The following GIMAP8 variants were observed in gnomAD, a reference collection of about 807,000 sequenced individuals.
GIMAP8 encodes the protein GTPase, IMAP family member 8.
Under a neutral mutation model 35.6 loss-of-function variants are expected in GIMAP8, and 29 were observed. That is an observed-to-expected ratio of 0.81 (90% CI 0.61 to 1.11). The LOEUF is 1.11. GIMAP8 is among the 50% of genes most tolerant of loss of function. The pLI, the probability that GIMAP8 is intolerant of heterozygous loss-of-function variation, is 0.00. For missense variants in GIMAP8, 811 were observed against 805.0 expected, an observed-to-expected ratio of 1.01 and a Z score of -0.09; for synonymous variants, 335 against 308.7, an observed-to-expected ratio of 1.09 and a Z score of -0.89.
rs1801589050 is a variant in GIMAP8 at position 150,450,893 on chromosome 7, G to T, written c.-311G>T. The T allele has an allele frequency of 6.6e-6, 1 of 152,522 alleles. No homozygotes were observed. Among genetic ancestry groups the T allele is most frequent in the South Asian group, 2.1e-4 (1 of 4,844 alleles). 9.4% of individuals were successfully genotyped at this position (152,522 alleles called of 1,614,324 possible). On this transcript the variant is annotated 5_prime_UTR_variant, in exon 1 of 5. Transcript: ENST00000307271. The surrounding 1 kb of genome is among the most constrained non-coding windows in gnomAD (Gnocchi z 4.4). ...CCCCACGAGGCGCTCAGCACCCAGGGAAGGCGCGTGTGTCCCCGATGCTGG... is the reference window on the plus strand; with the variant it reads ...CCCCACGAGGCGCTCAGCACCCAGGTAAGGCGCGTGTGTCCCCGATGCTGG...
At chr7:150,471,906 T>A (rs1585118865) in intron 3 of GIMAP8, among the ~76,000 whole-genome samples, 2 of 152,278 alleles carry the variant, frequency 1.3e-5, no homozygotes, top group Admixed American at 1.3e-4. Flanking sequence ...AATTCAATCT[T>A]CATAGCATAT....
In GIMAP8 at chr7:150,479,349, A is replaced by G. The variant is rs1802316071; in HGVS notation, c.*1569A>G. On this transcript the variant is annotated 3_prime_UTR_variant, in exon 5 of 5. Transcript: ENST00000307271. ...GGAAAGTAAAAAAAAGTGTGTAAAT[A>G]TATTTAGTTGAATCAAATAATAAAG... The G allele has an allele frequency of 1.3e-5, 2 of 152,236 alleles. No individual in the cohort carries two copies. The highest frequency in any genetic ancestry group is 2.4e-5 in the African/African-American group (1 of 41,466). 9.4% of individuals were successfully genotyped at this position (152,236 alleles called of 1,614,324 possible). A position where few individuals can be genotyped will look rare whatever the true frequency, so the allele number is the denominator to read the frequency against.
intron 3 of GIMAP8, 30 bp downstream of exon 3, chr7:150,470,904 C>T: frequency 6.7e-7 from 1 of 1,500,700 alleles, no homozygotes; most frequent in Non-Finnish European, 9.3e-7. Context: ...ACATTAAGCT[C>T]ACACTTGTAT....
At chr7:150,458,416 C>A (rs149371720) in intron 1 of GIMAP8, among the ~76,000 whole-genome samples, 2,209 of 152,240 alleles carry the variant, frequency 0.015, 22 homozygotes, top group Middle Eastern at 0.041. Context: ...GGATGAGGCC[C>A]ACCCCCACAA....
chr7:150,452,675 G>GATAGAT (rs1379119203), intron 1 of GIMAP8, among the ~76,000 whole-genome samples: 1 of 79,672 alleles, frequency 1.3e-5, no homozygotes, highest in Non-Finnish European at 2.3e-5. Flanking sequence ...GTGTGTGTGA[G>GATAGAT]ATATATATAT....
chr7:150,477,887 G>A lies in GIMAP8; in HGVS notation c.*107G>A, dbSNP rs1802277248. 3.7e-6 allele frequency: 3 copies of A among 807,034 alleles called. No individual in the cohort carries two copies. In the South Asian group the frequency reaches 5.4e-5, roughly 15 times the overall value. The allele number at this position is 807,034 out of a possible 1,614,324, so 50.0% of individuals were successfully genotyped here. ...AAGGGAAGCGGGTTCATGGCTTTGA[G>A]GGCCTGAGAGGCAAATGCATCCCGC... On this transcript the variant is annotated 3_prime_UTR_variant, in exon 5 of 5. Coordinates refer to ENST00000307271, the MANE Select transcript of GIMAP8 (RefSeq NM_175571.4).
intron 4 of GIMAP8, among the ~76,000 whole-genome samples, chr7:150,476,402 A>G (rs1459753146): frequency 6.6e-6 from 1 of 152,244 alleles, no homozygotes; most frequent in Non-Finnish European, 1.5e-5. Flanking sequence ...AGGGAAATTC[A>G]TTCTCTTTCT....
intron 1 of GIMAP8, among the ~76,000 whole-genome samples, chr7:150,458,167 A>C (rs1254819869): frequency 6.6e-6 from 1 of 152,112 alleles, no homozygotes; most frequent in Non-Finnish European, 1.5e-5. Flanking sequence ...TGTATGTGTA[A>C]GATACTTATT....
At chr7:150,473,032 G>T (rs781153480) in intron 3 of GIMAP8, among the ~76,000 whole-genome samples, 1 of 152,180 alleles carries the variant, frequency 6.6e-6, no homozygotes, top group East Asian at 1.9e-4. Context: ...AAACAGATTC[G>T]CAAAGCGGTA....
chr7:150,454,014 G>A (rs907418251), intron 1 of GIMAP8, among the ~76,000 whole-genome samples: 3 of 152,148 alleles, frequency 2.0e-5, no homozygotes, highest in Admixed American at 6.5e-5. Flanking sequence ...TGTACTAAGG[G>A]GACAGTGTGA....
intron 3 of GIMAP8, among the ~76,000 whole-genome samples, chr7:150,471,938 T>C (rs575884597): frequency 1.4e-4 from 21 of 152,222 alleles, no homozygotes; most frequent in Non-Finnish European, 2.1e-4. Flanking sequence ...CCTCTTAAAA[T>C]ACACCAGTTC....
At chr7:150,452,193 G>A (rs768955080) in intron 1 of GIMAP8, among the ~76,000 whole-genome samples, 8 of 152,196 alleles carry the variant, frequency 5.3e-5, no homozygotes, top group Non-Finnish European at 7.3e-5. Flanking sequence ...ATGTGGGCTG[G>A]CAGAGCGTGA....
chr7:150,461,362 GCT>G (rs1486871060), intron 1 of GIMAP8, among the ~76,000 whole-genome samples: 1 of 152,018 alleles, frequency 6.6e-6, no homozygotes, highest in African/African-American at 2.4e-5. Flanking sequence ...TTGGGGTCTA[GCT>G]CTCTCTTTAG....
In GIMAP8 at chr7:150,474,646, T is replaced by C. The variant is rs766817001; in HGVS notation, c.1309+8T>C. The C allele has an allele frequency of 3.2e-6, 5 of 1,548,786 alleles. No individual in the cohort carries two copies. The highest frequency in any genetic ancestry group is 4.4e-6 in the Non-Finnish European group (5 of 1,144,846). ...GTGTTTTCAGAGAAAAAGGTAAAAC[T>C]GTGAATAGGATATATATTTTTACAT... On this transcript the variant is annotated splice_region_variant and intron_variant, in intron 4 of 4. Coordinates refer to ENST00000307271, the MANE Select transcript of GIMAP8 (RefSeq NM_175571.4).
intron 1 of GIMAP8, among the ~76,000 whole-genome samples, chr7:150,454,422 C>T (rs1408686617): frequency 3.3e-5 from 5 of 152,150 alleles, no homozygotes; most frequent in Non-Finnish European, 5.9e-5. Flanking sequence ...GAGCTGATGA[C>T]CAGTTCAATC....
At position 150,467,255 on chromosome 7, in the gene GIMAP8, T is replaced by C; in HGVS notation, c.557T>C (p.Leu186Pro). 3 of 1,614,216 alleles carry C rather than the reference T, an allele frequency of 1.9e-6. No individual in the cohort carries two copies. Among genetic ancestry groups the C allele is most frequent in the Non-Finnish European group, 2.5e-6 (3 of 1,180,008 alleles). ...CAGATCACCCAGGTGTTGGAGCTCC[T>C]TCGCAAGGTTGAGTCTTTGGTGAAT... ...DEQITQVLEL[L>P]RKVESLVNTN... Residue 186 changes from leucine to proline, a missense_variant, in exon 2 of 5, where the codon CTT becomes CCT. Leu to Pro is a moderately conservative substitution (Grantham distance 98). Transcript: ENST00000307271.
chr7:150,452,980 T>C (rs917734112), intron 1 of GIMAP8, among the ~76,000 whole-genome samples: 9 of 151,890 alleles, frequency 5.9e-5, no homozygotes, highest in African/African-American at 1.9e-4. Context: ...GTATTGGGCA[T>C]ATACTACATG....
chr7:150,462,997 G>A (rs75851451), intron 1 of GIMAP8, among the ~76,000 whole-genome samples: 3,223 of 152,018 alleles, frequency 0.021, 99 homozygotes, highest in African/African-American at 0.07. Flanking sequence ...ACTTTATGGT[G>A]TCCCATATGT....
intron 1 of GIMAP8, among the ~76,000 whole-genome samples, chr7:150,466,343 C>T (rs1166003041): frequency 1.3e-5 from 2 of 151,900 alleles, no homozygotes; most frequent in African/African-American, 4.8e-5. Context: ...AACATCTGAC[C>T]ATTACTATTA....
Sources: allele counts gnomAD v4.1 joint callset (sites outside exome capture counted in the v4.1 genomes callset), GRCh38; gene constraint gnomAD v4.1.1; non-coding constraint Gnocchi (gnomAD v3.1); transcripts MANE v1.5; gene names NCBI Gene and HGNC (gene_info 2026-07-23, HGNC 2026-07-21).